Variants in SLCO3A1 observed in about 807,000 individuals in gnomAD.
The protein encoded by SLCO3A1 is PGE1 transporter.
A neutral mutation model predicts 63.1 loss-of-function variants in SLCO3A1; 27 were observed. That is an observed-to-expected ratio of 0.43 (90% confidence interval 0.32 to 0.59). SLCO3A1 has a LOEUF of 0.59. SLCO3A1 is among the 20% of genes least tolerant of loss of function. The pLI is 0.09. For synonymous variants in SLCO3A1, 473 were observed against 409.9 expected, an observed-to-expected ratio of 1.15 and a Z score of -1.86; for missense variants, 773 against 945.8, an observed-to-expected ratio of 0.82 and a Z score of 2.40.
At chr15:91,864,263 G>C (rs1897114013) in intron 1 of SLCO3A1, among the ~76,000 whole-genome samples, 1 of 152,172 alleles carries the variant, frequency 6.6e-6, no homozygotes, top group Non-Finnish European at 1.5e-5. Context: ...TTTCATGTTA[G>C]GCAAAATCAG....
intron 2 of SLCO3A1, among the ~76,000 whole-genome samples, chr15:92,038,287 T>G (rs2046752546): frequency 6.6e-6 from 1 of 152,210 alleles, no homozygotes; most frequent in South Asian, 2.1e-4. Flanking sequence ...AGTTACAAAA[T>G]TCTGTACCAG....
At chr15:91,895,086 T>C (rs1268308673) in intron 1 of SLCO3A1, among the ~76,000 whole-genome samples, 1 of 152,198 alleles carries the variant, frequency 6.6e-6, no homozygotes, top group East Asian at 1.9e-4. Flanking sequence ...TGTAGGTACA[T>C]CTCTTCAAGT....
At chr15:91,904,816 A>G (rs1898254272) in intron 1 of SLCO3A1, among the ~76,000 whole-genome samples, 1 of 152,168 alleles carries the variant, frequency 6.6e-6, no homozygotes, top group Non-Finnish European at 1.5e-5. Context: ...TTTGGTAATC[A>G]TATTATTTTA....
chr15:91,927,913 A>G (rs1451666570), intron 2 of SLCO3A1, among the ~76,000 whole-genome samples: 4 of 152,196 alleles, frequency 2.6e-5, no homozygotes, highest in East Asian at 1.9e-4. Context: ...CATTTCGCCA[A>G]CCCTGGCCTC....
At chr15:91,892,535 T>A (rs1897897228) in intron 1 of SLCO3A1, among the ~76,000 whole-genome samples, 1 of 152,194 alleles carries the variant, frequency 6.6e-6, no homozygotes, top group Admixed American at 6.5e-5. Context: ...CTGACCTGCA[T>A]TTGTGACATG....
chr15:92,134,201 TC>T (rs1185662647), intron 7 of SLCO3A1, among the ~76,000 whole-genome samples: 1 of 152,230 alleles, frequency 6.6e-6, no homozygotes, highest in Non-Finnish European at 1.5e-5. Context: ...CCTGTCTGGT[TC>T]CAAAGGCTTA....
At chr15:91,974,478 G>A (rs773143664) in intron 2 of SLCO3A1, among the ~76,000 whole-genome samples, 20 of 152,202 alleles carry the variant, frequency 1.3e-4, no homozygotes, top group South Asian at 6.2e-4. Context: ...GAGGGTGAAG[G>A]TTTCTGGGTG....
chr15:92,048,028 T>C (rs1567088536), intron 2 of SLCO3A1, among the ~76,000 whole-genome samples: 1 of 152,096 alleles, frequency 6.6e-6, no homozygotes, highest in South Asian at 2.1e-4. Flanking sequence ...CTGCCCCTAA[T>C]AGACCACAGC....
intron 1 of SLCO3A1, among the ~76,000 whole-genome samples, chr15:91,898,752 G>A (rs1898074230): frequency 6.6e-6 from 1 of 151,960 alleles, no homozygotes; most frequent in South Asian, 2.1e-4. Context: ...CTCTTTTTAT[G>A]TATAAAGCAA....
At chr15:91,969,247 T>G (rs1900769857) in intron 2 of SLCO3A1, among the ~76,000 whole-genome samples, 1 of 152,170 alleles carries the variant, frequency 6.6e-6, no homozygotes, top group Admixed American at 6.5e-5. Context: ...CTACTACATG[T>G]GGATACTAAG....
At chr15:91,933,027 G>A (rs912382760) in intron 2 of SLCO3A1, among the ~76,000 whole-genome samples, 6 of 151,878 alleles carry the variant, frequency 4.0e-5, no homozygotes, top group African/African-American at 1.2e-4. Flanking sequence ...CAACTATTTT[G>A]TTATCCTGAG....
intron 2 of SLCO3A1, among the ~76,000 whole-genome samples, chr15:92,028,167 G>C (rs891921946): frequency 3.9e-5 from 6 of 152,266 alleles, no homozygotes; most frequent in African/African-American, 1.2e-4. Flanking sequence ...AGCACACAGT[G>C]GGGGAGGCTG....
chr15:92,069,096 G>GCCCCCCCCCCCCCCCCCCC (rs56003783), intron 2 of SLCO3A1, among the ~76,000 whole-genome samples: 2 of 115,740 alleles, frequency 1.7e-5, no homozygotes, highest in African/African-American at 3.4e-5. Context: ...GGCTCCCCCC[G>GCCCCCCCCCCCCCCCCCCC]CCCCCCCCCC....
intron 2 of SLCO3A1, among the ~76,000 whole-genome samples, chr15:92,047,494 A>T (rs36023876): frequency 3.6e-4 from 4 of 11,192 alleles, no homozygotes; most frequent in African/African-American, 8.4e-4. Flanking sequence ...TATATATATA[A>T]ATATATATAA....
chr15:92,124,949 T>A (rs1030662983), intron 5 of SLCO3A1, among the ~76,000 whole-genome samples: 2 of 152,024 alleles, frequency 1.3e-5, no homozygotes, highest in African/African-American at 4.8e-5. Context: ...AGGATGAGGA[T>A]AAAGAGGCAC....
At chr15:92,019,161 C>T (rs892557475) in intron 2 of SLCO3A1, among the ~76,000 whole-genome samples, 6 of 152,160 alleles carry the variant, frequency 3.9e-5, no homozygotes, top group Non-Finnish European at 8.8e-5. Context: ...CATTGCCTCT[C>T]ACTTGTGCAG....
intron 7 of SLCO3A1, among the ~76,000 whole-genome samples, chr15:92,133,074 C>T (rs2048015355): frequency 6.9e-6 from 1 of 145,868 alleles, no homozygotes; most frequent in Admixed American, 6.8e-5. Flanking sequence ...AATGGATTGT[C>T]ATGAGGCGCT....
chr15:91,896,960 C>G (rs966154366), intron 1 of SLCO3A1, among the ~76,000 whole-genome samples: 1 of 152,312 alleles, frequency 6.6e-6, no homozygotes, highest in Middle Eastern at 3.4e-3. Flanking sequence ...AGGAGCCAGA[C>G]AGTCCTGGGT....
intron 2 of SLCO3A1, among the ~76,000 whole-genome samples, chr15:92,031,586 A>G (rs1166181583): frequency 6.6e-6 from 1 of 152,130 alleles, no homozygotes; most frequent in African/African-American, 2.4e-5. Context: ...GAAGTGTGGT[A>G]TGTCTGAGGT....
Sources: allele counts gnomAD v4.1 joint callset (sites outside exome capture counted in the v4.1 genomes callset), GRCh38; gene constraint gnomAD v4.1.1; transcripts MANE v1.5; gene names NCBI Gene and HGNC (gene_info 2026-07-23, HGNC 2026-07-21).